Variants in PTCSC3 observed in about 807,000 individuals in gnomAD.
PTCSC3 encodes papillary thyroid carcinoma susceptibility candidate 3 (non-protein coding).
intron 2 of PTCSC3, among the ~76,000 whole-genome samples, chr14:36,155,328 C>CTT (rs1182091738): frequency 7.2e-5 from 11 of 152,104 alleles, no homozygotes; most frequent in Non-Finnish European, 1.3e-4. Context: ...ACAGTAAAAA[C>CTT]TTTATCAAGA....
chr14:36,156,646 G>T (rs1033614358), intron 2 of PTCSC3, among the ~76,000 whole-genome samples: 1 of 152,036 alleles, frequency 6.6e-6, no homozygotes, highest in Non-Finnish European at 1.5e-5. Context: ...TCCCACTTAT[G>T]AGTGGGAACA....
rs552342803 is a variant in PTCSC3, at chr14:36,156,353, G to T, written n.232-2459C>A. On this transcript the variant is annotated intron_variant and non_coding_transcript_variant, in intron 2 of 3. Coordinates refer to ENST00000556013, the Ensembl canonical transcript of PTCSC3. ...TTTGCCTTCCTCCTGATCAAACAGTGGGTCTTAGGGAGTATGGGTACATTT... is the reference window on the plus strand; with the variant it reads ...TTTGCCTTCCTCCTGATCAAACAGTTGGTCTTAGGGAGTATGGGTACATTT... Among the ~76,000 whole-genome samples, 6 of 152,288 alleles carry T rather than the reference G, an allele frequency of 3.9e-5. No homozygotes were observed. The South Asian group carries it at 6.2e-4, about 16-fold the overall frequency.
intron 3 of PTCSC3, among the ~76,000 whole-genome samples, chr14:36,147,832 G>T (rs935787257): frequency 6.6e-6 from 1 of 151,858 alleles, no homozygotes; most frequent in Non-Finnish European, 1.5e-5. Flanking sequence ...ATGTACAGAT[G>T]GGTTTTTGGT....
At chr14:36,156,601 C>G (rs1881831755) in intron 2 of PTCSC3, among the ~76,000 whole-genome samples, 1 of 152,074 alleles carries the variant, frequency 6.6e-6, no homozygotes, top group Non-Finnish European at 1.5e-5. Context: ...TGTGATGTTT[C>G]CCCTCCCTGT....
chr14:36,136,382 T>A (rs1232784199), intron 3 of PTCSC3: 1 of 152,280 alleles, frequency 6.6e-6, no homozygotes, highest in East Asian at 1.9e-4. Context: ...AGGATGAGGA[T>A]TAACCATTAG....
At chr14:36,155,565 C>A (rs1218748916) in intron 2 of PTCSC3, among the ~76,000 whole-genome samples, 1 of 151,960 alleles carries the variant, frequency 6.6e-6, no homozygotes, top group Non-Finnish European at 1.5e-5. Flanking sequence ...GAAGGTTGTC[C>A]TTAGATGACA....
chr14:36,167,789 A>G (rs1032868846), intron 1 of PTCSC3, among the ~76,000 whole-genome samples: 1 of 152,166 alleles, frequency 6.6e-6, no homozygotes, highest in Non-Finnish European at 1.5e-5. Context: ...GTCAGAGGGG[A>G]AAAAACGCTC....
At chr14:36,171,876 T>A (rs1417845900) in intron 1 of PTCSC3, among the ~76,000 whole-genome samples, 1 of 152,022 alleles carries the variant, frequency 6.6e-6, no homozygotes, top group African/African-American at 2.4e-5. Flanking sequence ...TATTAGCAAA[T>A]GTGGGGTGTA....
chr14:36,167,568 C>G (rs1463728868), intron 1 of PTCSC3, among the ~76,000 whole-genome samples: 1 of 152,144 alleles, frequency 6.6e-6, no homozygotes, highest in Non-Finnish European at 1.5e-5. Context: ...AATCCTAGTT[C>G]TCGATGTTAT....
intron 3 of PTCSC3, among the ~76,000 whole-genome samples, chr14:36,150,611 T>A (rs911093536): frequency 4.6e-5 from 7 of 152,214 alleles, no homozygotes; most frequent in African/African-American, 1.7e-4. Flanking sequence ...TTTTGAAAAA[T>A]CTTCCCTTTT....
chr14:36,155,885 G>T (rs1198084772), intron 2 of PTCSC3, among the ~76,000 whole-genome samples: 1 of 152,108 alleles, frequency 6.6e-6, no homozygotes. Context: ...ATAAAATGTA[G>T]CTCTCCTTTG....
intron 3 of PTCSC3, among the ~76,000 whole-genome samples, chr14:36,149,533 A>G (rs1391801122): frequency 6.6e-6 from 1 of 152,094 alleles, no homozygotes. Flanking sequence ...ATATTCTTAC[A>G]CTGATTTTCT....
chr14:36,147,949 G>A (rs944547711), intron 3 of PTCSC3, among the ~76,000 whole-genome samples: 2 of 152,096 alleles, frequency 1.3e-5, no homozygotes, highest in Non-Finnish European at 2.9e-5. Flanking sequence ...CCCCTGCTCG[G>A]GGGGTGCCTC....
chr14:36,175,094 A>G (rs1882259579), intron 1 of PTCSC3, among the ~76,000 whole-genome samples: 1 of 152,082 alleles, frequency 6.6e-6, no homozygotes, highest in Non-Finnish European at 1.5e-5. Context: ...CTCTCTCTAC[A>G]TAGCTCCCTC....
chr14:36,167,135 T>G (rs1882104857), intron 1 of PTCSC3, among the ~76,000 whole-genome samples: 1 of 152,214 alleles, frequency 6.6e-6, no homozygotes. Context: ...AGAAACCATT[T>G]TAAACCCAGC....
intron 3 of PTCSC3, among the ~76,000 whole-genome samples, chr14:36,152,737 T>TA (rs201524808): frequency 0.015 from 2,278 of 150,690 alleles, 30 homozygotes; most frequent in South Asian, 0.032. Flanking sequence ...CTACTAAAAA[T>TA]AAAAAAAATA....
chr14:36,168,528 T>G (rs1882138450), intron 1 of PTCSC3, among the ~76,000 whole-genome samples: 1 of 151,870 alleles, frequency 6.6e-6, no homozygotes, highest in Non-Finnish European at 1.5e-5. Flanking sequence ...CTTTGTAGCA[T>G]AACTAGAGTA....
chr14:36,159,316 CT>C, intron 2 of PTCSC3, among the ~76,000 whole-genome samples: 1 of 151,806 alleles, frequency 6.6e-6, no homozygotes, highest in East Asian at 1.9e-4. Flanking sequence ...TTTTGCTTCT[CT>C]AGTTCTTTTA....
intron 1 of PTCSC3, among the ~76,000 whole-genome samples, chr14:36,170,291 A>C (rs1043494931): frequency 6.6e-6 from 1 of 152,056 alleles, no homozygotes; most frequent in African/African-American, 2.4e-5. Flanking sequence ...ATGAGTTCAA[A>C]CCGATTTCTC....
Sources: allele counts gnomAD v4.1 joint callset (sites outside exome capture counted in the v4.1 genomes callset), GRCh38; gene constraint gnomAD v4.1.1; transcripts MANE v1.5; gene names NCBI Gene and HGNC (gene_info 2026-07-23, HGNC 2026-07-21).